The following CCDC112 variants were observed in gnomAD, a reference collection of about 807,000 sequenced individuals.
The protein encoded by CCDC112 is coiled-coil domain containing 112.
A neutral mutation model predicts 66.3 loss-of-function variants in CCDC112; 40 were observed. The ratio of observed to expected loss-of-function variants is 0.60; its 90% CI spans 0.47 to 0.79. The LOEUF (loss-of-function observed/expected upper bound fraction) is 0.79, where lower values mean the gene tolerates loss of function less well. CCDC112 is among the 30% of genes least tolerant of loss of function. The pLI, the probability that CCDC112 is intolerant of heterozygous loss-of-function variation, is 0.00. For synonymous variants in CCDC112, 214 were observed against 197.2 expected (o/e 1.09, Z -0.71); for missense variants, 659 against 603.8 (o/e 1.09, Z -0.96).
chr5:115,296,155 C>T (rs1750146984), intron 1 of CCDC112: 1 of 1,189,932 alleles, frequency 8.4e-7, no homozygotes. Flanking sequence ...GAAAGTGAGT[C>T]GCCGACAGCA....
At chr5:115,282,024 AAATAAT>A in intron 2 of CCDC112, among the ~76,000 whole-genome samples, 1 of 152,292 alleles carries the variant, frequency 6.6e-6, no homozygotes, top group Middle Eastern at 3.4e-3. Context: ...ACTTACAAAC[AAATAAT>A]GTTGACCTAT....
intron 1 of CCDC112, among the ~76,000 whole-genome samples, chr5:115,291,370 GAT>G (rs1749921760): frequency 6.6e-6 from 1 of 151,924 alleles, no homozygotes; most frequent in African/African-American, 2.4e-5. Flanking sequence ...CATGTTTTTA[GAT>G]ATGTTTGCTA....
At chr5:115,288,057 T>A (rs1222083018) in intron 1 of CCDC112, among the ~76,000 whole-genome samples, 2 of 151,566 alleles carry the variant, frequency 1.3e-5, no homozygotes, top group East Asian at 1.9e-4. Flanking sequence ...ATTGGCTCGC[T>A]GCAACCTCTG....
At chr5:115,278,807 A>T (rs1028745998) in intron 3 of CCDC112, among the ~76,000 whole-genome samples, 4 of 152,208 alleles carry the variant, frequency 2.6e-5, no homozygotes, top group African/African-American at 9.6e-5. Flanking sequence ...TGAAAGAAAA[A>T]AATCACTAAG....
intron 1 of CCDC112, among the ~76,000 whole-genome samples, chr5:115,289,909 C>G (rs1446717036): frequency 2.0e-5 from 3 of 152,194 alleles, no homozygotes; most frequent in Non-Finnish European, 4.4e-5. Context: ...TCTCAAACTC[C>G]TGGCCTCAAG....
At position 115,267,267 on chromosome 5, in the gene CCDC112, C is replaced by T. The variant is rs1176217315; in HGVS notation, c.*609G>A. ...AAAATTTGGAATTGCTGAAGGAAAC[C>T]AAAAAGATTATATCAATAATACAAT... On this transcript the variant is annotated 3_prime_UTR_variant, in exon 10 of 10. Transcript: ENST00000379611. The T allele has an allele frequency of 6.6e-6, 1 of 151,722 alleles. No individual in the cohort carries two copies. The highest frequency in any genetic ancestry group is 1.5e-5 in the Non-Finnish European group (1 of 67,964). The allele number at this position is 151,722 out of a possible 1,614,324, so 9.4% of individuals were successfully genotyped here.
At chr5:115,279,538 C>A in intron 3 of CCDC112, 109 bp downstream of exon 3, 2 of 1,129,206 alleles carry the variant, frequency 1.8e-6, no homozygotes, top group Non-Finnish European at 2.6e-6. Flanking sequence ...AGAGAACTGA[C>A]TCTATTGATA....
At chr5:115,283,683 T>C (rs2963770) in intron 2 of CCDC112, among the ~76,000 whole-genome samples, 1 of 151,904 alleles carries the variant, frequency 6.6e-6, no homozygotes, top group East Asian at 1.9e-4. Context: ...CTCCAAAAGC[T>C]ACGATATGGT....
chr5:115,278,754 T>C (rs1411837504), intron 3 of CCDC112, among the ~76,000 whole-genome samples: 1 of 152,160 alleles, frequency 6.6e-6, no homozygotes, highest in Non-Finnish European at 1.5e-5. Flanking sequence ...CTTTTTAAAG[T>C]AGTGTAATCT....
Position 115,291,270 on chromosome 5 carries a change from A to G in CCDC112, c.117+5157T>C, listed in dbSNP as rs975451320. 2.0e-5 allele frequency among the ~76,000 whole-genome samples: 3 copies of G among 152,088 alleles called. No homozygotes were observed. The South Asian group carries it at 6.2e-4, about 31-fold the overall frequency. ...CGGTTTTGCCCTTTATTCTATTAAT[A>G]TGTAGTATTATATTAATTGATTTTC... On this transcript the variant is annotated intron_variant, in intron 1 of 9. Transcript: ENST00000379611.
Position 115,293,750 on chromosome 5 carries a change from G to A in CCDC112, c.117+2677C>T, listed in dbSNP as rs552003828. Among the ~76,000 whole-genome samples the A allele has an allele frequency of 6.3e-4, 96 of 152,246 alleles. 1 individual carries two copies. The highest frequency in any genetic ancestry group is 2.3e-3 in the African/African-American group (95 of 41,542). On this transcript the variant is annotated intron_variant, in intron 1 of 9. Coordinates refer to ENST00000379611, the MANE Select transcript of CCDC112 (RefSeq NM_001040440.3). Reference sequence around the variant, plus strand: ...ATCACACCTGCAAAGTCCCTTTTACGATGCAAGATTACACAGTCACAGGTG... The same window carrying A: ...ATCACACCTGCAAAGTCCCTTTTACAATGCAAGATTACACAGTCACAGGTG...
chr5:115,294,919 C>T (rs2127080584), intron 1 of CCDC112, among the ~76,000 whole-genome samples: 1 of 152,212 alleles, frequency 6.6e-6, no homozygotes, highest in South Asian at 2.1e-4. Flanking sequence ...TTCTACCTAA[C>T]TATGCTGAGG....
chr5:115,273,093 A>T (rs998537760), intron 6 of CCDC112, among the ~76,000 whole-genome samples: 1 of 152,214 alleles, frequency 6.6e-6, no homozygotes, highest in Non-Finnish European at 1.5e-5. Context: ...GTGAAATTCA[A>T]CATGGGCATA....
chr5:115,290,302 T>G (rs1200197284), intron 1 of CCDC112, among the ~76,000 whole-genome samples: 1 of 152,036 alleles, frequency 6.6e-6, no homozygotes, highest in Non-Finnish European at 1.5e-5. Context: ...AAACTGTAGG[T>G]GTATGTCTTG....
rs77350982 is a variant in CCDC112, at chr5:115,278,779, T to C, written c.361+868A>G. On this transcript the variant is annotated intron_variant, in intron 3 of 9. Transcript: ENST00000379611. ...TAGTGTAATCTTTTCTTTTAAAAAA[T>C]AGTGCAACCTTGTATTTTGAAAGAA... Among the ~76,000 whole-genome samples, 463 of 152,218 alleles carry C rather than the reference T, an allele frequency of 3.0e-3. 2 individuals are homozygous for C. The highest frequency in any genetic ancestry group is 0.01 in the African/African-American group (435 of 41,552).
chr5:115,276,918 G>T, intron 4 of CCDC112, 47 bp downstream of exon 4: 1 of 1,284,654 alleles, frequency 7.8e-7, no homozygotes, highest in Non-Finnish European at 1.1e-6. Context: ...ATGCCAAACA[G>T]AAAATACTAA....
intron 1 of CCDC112, among the ~76,000 whole-genome samples, chr5:115,285,484 AGT>A (rs1416642687): frequency 6.6e-6 from 1 of 152,120 alleles, no homozygotes; most frequent in African/African-American, 2.4e-5. Context: ...GCAGTAGGAA[AGT>A]GTGTTCTAAG....
intron 1 of CCDC112, chr5:115,289,049 C>T (rs1465908006): frequency 1.4e-5 from 4 of 282,674 alleles, no homozygotes; most frequent in East Asian, 1.2e-4. Context: ...GGCTTCTTTC[C>T]CTCAGCCTTC....
chr5:115,278,762 T>A (rs1468824344), intron 3 of CCDC112, among the ~76,000 whole-genome samples: 2 of 152,148 alleles, frequency 1.3e-5, no homozygotes, highest in East Asian at 3.8e-4. Context: ...AGTAGTGTAA[T>A]CTTTTCTTTT....
Sources: gnomAD v4.1 joint callset for allele counts (sites outside exome capture counted in the v4.1 genomes callset) on GRCh38, gnomAD v4.1.1 for gene constraint, MANE v1.5 for transcripts, NCBI Gene and HGNC (gene_info 2026-07-23, HGNC 2026-07-21) for gene names.